Variants in POT1 observed in about 807,000 individuals in gnomAD.
The protein encoded by POT1 is protection of telomeres protein 1.
In POT1, 47 loss-of-function variants were observed where a neutral mutation model predicts 78.5. The observed-to-expected ratio is 0.60, with a 90% CI of 0.47 to 0.76. The LOEUF is 0.76. POT1 is among the 30% of genes least tolerant of loss of function. The pLI, the probability that POT1 is intolerant of heterozygous loss-of-function variation, is 0.00. For missense variants in POT1, 646 were observed against 749.9 expected (o/e 0.86, Z 1.62); for synonymous variants, 259 against 260.7 (o/e 0.99, Z 0.06).
intron 2 of POT1, among the ~76,000 whole-genome samples, chr7:124,922,115 GA>G (rs1017525614): frequency 6.6e-4 from 98 of 149,180 alleles, no homozygotes; most frequent in Non-Finnish European, 1.2e-3. Flanking sequence ...AGTCCTAAAA[GA>G]AAAAAAAAGT....
At chr7:124,841,717 G>C (rs538293492) in intron 13 of POT1, among the ~76,000 whole-genome samples, 12 of 152,046 alleles carry the variant, frequency 7.9e-5, no homozygotes, top group African/African-American at 2.9e-4. Context: ...TTCTGGTTCT[G>C]TTGCCAGTTA....
At position 124,853,146 on chromosome 7, in the gene POT1, A is replaced by T; in HGVS notation, c.703-8T>A. On this transcript the variant is annotated splice_polypyrimidine_tract_variant and splice_region_variant and intron_variant, in intron 9 of 18. Coordinates refer to ENST00000357628, the MANE Select transcript of POT1 (RefSeq NM_015450.3). ...TCTAAGAAAGCTTCCAACCTAAAAA[A>T]TAGATCATTTGTTATTTAGAAAGTG... 6.4e-7 allele frequency: 1 copy of T among 1,551,182 alleles called. No homozygotes were observed. The highest frequency in any genetic ancestry group is 8.8e-7 in the Non-Finnish European group (1 of 1,137,874).
rs1795017625 is a variant in POT1, at chr7:124,841,106, C to T, written c.1236G>A (p.Lys412=). 2 of 1,612,688 alleles carry T rather than the reference C, an allele frequency of 1.2e-6. No individual in the cohort carries two copies. Among genetic ancestry groups the T allele is most frequent in the South Asian group, 2.2e-5 (2 of 91,044 alleles). ...QDGATKTPDV[K]LQNTSLYDSK... ...AATCATATAATGATGTATTTTGTAGCTTGACATCTGGGGTTTTAGTTGCAC... is the reference window on the plus strand; with the variant it reads ...AATCATATAATGATGTATTTTGTAGTTTGACATCTGGGGTTTTAGTTGCAC... The change falls in exon 14 of 19, where the codon AAG becomes AAA. Residue 412 remains lysine, a synonymous_variant. Coordinates refer to ENST00000357628, the MANE Select transcript of POT1 (RefSeq NM_015450.3).
Position 124,860,270 on chromosome 7 carries a change from A to G in POT1, c.547-1158T>C, listed in dbSNP as rs1018743465. On this transcript the variant is annotated intron_variant, in intron 8 of 18. Transcript: ENST00000357628. ...TAAATGAAACTACAGTAATCACTAA[A>G]TAGACCATCATGAAATTCTATCTCA... Among the ~76,000 whole-genome samples, 8 of 152,104 alleles carry G rather than the reference A, an allele frequency of 5.3e-5. No individual in the cohort carries two copies. In the East Asian group the frequency reaches 7.7e-4, roughly 15 times the overall value.
At chr7:124,918,470 AATAAGAAAC>A (rs1228870057) in intron 2 of POT1, among the ~76,000 whole-genome samples, 1 of 152,230 alleles carries the variant, frequency 6.6e-6, no homozygotes, top group African/African-American at 2.4e-5. Flanking sequence ...TAGGAGTAGT[AATAAGAAAC>A]ATAAGAAACA....
intron 9 of POT1, among the ~76,000 whole-genome samples, chr7:124,856,851 T>A (rs1241854377): frequency 6.6e-6 from 1 of 152,210 alleles, no homozygotes; most frequent in Non-Finnish European, 1.5e-5. Flanking sequence ...AATAAACTAA[T>A]CAATGTAGAT....
intron 5 of POT1, chr7:124,892,922 G>T (rs138468916): frequency 2.1e-4 from 32 of 151,508 alleles, no homozygotes; most frequent in African/African-American, 7.2e-4. Context: ...TCTAAGAAAA[G>T]AGAGTTTTAT....
At chr7:124,840,666 G>A (rs1422382024) in intron 14 of POT1, 1 of 191,636 alleles carries the variant, frequency 5.2e-6, no homozygotes, top group Non-Finnish European at 1.1e-5. Flanking sequence ...TAAGCAATCA[G>A]CCTCTTTTAT....
At chr7:124,852,047 T>A in intron 10 of POT1, 96 bp from the exon 11 acceptor site, 1 of 831,720 alleles carries the variant, frequency 1.2e-6, no homozygotes, top group South Asian at 1.7e-5. Context: ...ATTGAAATTG[T>A]ATATAAAATT....
chr7:124,883,010 G>T (rs191126443), intron 6 of POT1, among the ~76,000 whole-genome samples: 4 of 152,162 alleles, frequency 2.6e-5, no homozygotes, highest in African/African-American at 4.8e-5. Context: ...AAGCTGAAGA[G>T]GGGAGGCTTG....
intron 2 of POT1, among the ~76,000 whole-genome samples, chr7:124,922,113 A>G (rs1797166718): frequency 6.6e-6 from 1 of 152,006 alleles, no homozygotes; most frequent in South Asian, 2.1e-4. Flanking sequence ...ATAGTCCTAA[A>G]AGAAAAAAAA....
chr7:124,910,040 C>A (rs1168485969), intron 3 of POT1, among the ~76,000 whole-genome samples: 1 of 151,742 alleles, frequency 6.6e-6, no homozygotes. Context: ...CACATACAGG[C>A]TTATCCATGC....
Position 124,863,350 on chromosome 7 carries a change from C to T in POT1, c.546G>A (p.Lys182=), listed in dbSNP as rs1280084769. Residue 182 remains lysine (K), a splice_region_variant and synonymous_variant, in exon 8 of 19, where the codon AAG becomes AAA. Transcript: ENST00000357628. The part of the protein sequence containing the change: ...AEVDGASFLL[K]VWDGTRTPFP... ...ATTCCCAGTATTAAAAAATATGTAC[C>T]TTTAGAAGAAATGATGCTCCGTCCA... The T allele has an allele frequency of 1.2e-6, 2 of 1,609,034 alleles. No individual in the cohort carries two copies. The highest frequency in any genetic ancestry group is 1.7e-6 in the Non-Finnish European group (2 of 1,178,046).
intron 2 of POT1, among the ~76,000 whole-genome samples, chr7:124,917,798 G>A (rs1797053672): frequency 6.6e-6 from 1 of 152,128 alleles, no homozygotes; most frequent in Non-Finnish European, 1.5e-5. Context: ...ACTGGTTTTA[G>A]AACAATGAAA....
In POT1 at chr7:124,871,367, T is replaced by C. The variant is rs1367409236; in HGVS notation, c.125-326A>G. Among the ~76,000 whole-genome samples the C allele has an allele frequency of 2.6e-5, 4 of 151,916 alleles. No individual in the cohort carries two copies. The East Asian group carries it at 5.8e-4, about 22-fold the overall frequency. On this transcript the variant is annotated intron_variant, in intron 6 of 18. Transcript: ENST00000357628. ...CATAAATGTAGTCAAATAAGAAAAA[T>C]GCAATTTATAAAATAAACATAACTA...
chr7:124,865,698 T>A (rs555309356), intron 7 of POT1, among the ~76,000 whole-genome samples: 1 of 151,544 alleles, frequency 6.6e-6, no homozygotes, highest in African/African-American at 2.4e-5. Context: ...TTATTTTATT[T>A]ATTAATTATT....
At chr7:124,858,022 T>C (rs570043023) in intron 9 of POT1, among the ~76,000 whole-genome samples, 1 of 152,286 alleles carries the variant, frequency 6.6e-6, no homozygotes, top group East Asian at 1.9e-4. Context: ...CCTGCTCACC[T>C]GCATGCTCCC....
intron 7 of POT1, among the ~76,000 whole-genome samples, chr7:124,867,709 C>A (rs550966256): frequency 1.3e-5 from 2 of 151,780 alleles, no homozygotes; most frequent in Non-Finnish European, 2.9e-5. Flanking sequence ...TGCAGTGGTG[C>A]GATCTCGGCT....
intron 6 of POT1, among the ~76,000 whole-genome samples, chr7:124,885,407 G>A (rs1383999727): frequency 6.6e-6 from 1 of 151,952 alleles, no homozygotes; most frequent in Non-Finnish European, 1.5e-5. Context: ...CAGCAGTCGA[G>A]GCTGAGGTGA....
Sources: gnomAD v4.1 joint callset for allele counts (sites outside exome capture counted in the v4.1 genomes callset) on GRCh38, gnomAD v4.1.1 for gene constraint, MANE v1.5 for transcripts, NCBI Gene and HGNC (gene_info 2026-07-23, HGNC 2026-07-21) for gene names.